Variants in AKAP12 observed in about 807,000 individuals in gnomAD.
AKAP12 encodes the protein A-kinase anchor protein 12.
A neutral mutation model predicts 79.9 loss-of-function variants in AKAP12; 32 were observed. That is an observed-to-expected ratio of 0.40 (90% CI 0.30 to 0.54). AKAP12 has a LOEUF of 0.54. AKAP12 is among the 20% of genes least tolerant of loss of function. AKAP12 has a pLI of 0.48. For synonymous variants in AKAP12, 808 were observed against 857.0 expected (o/e 0.94, Z 1.00); for missense variants, 2,074 against 2,177.0 (o/e 0.95, Z 0.94).
At chr6:151,324,809 T>G (rs939324455) in intron 3 of AKAP12, 5 of 985,304 alleles carry the variant, frequency 5.1e-6, no homozygotes, top group Non-Finnish European at 6.0e-6. Flanking sequence ...CATTCGTCAC[T>G]CGTGTCTTTA....
chr6:151,349,786 G>A lies in AKAP12; in HGVS notation c.1395G>A (p.Lys465=). 6.2e-7 allele frequency: 1 copy of A among 1,614,100 alleles called. No homozygotes were observed. The highest frequency in any genetic ancestry group is 1.1e-5 in the South Asian group (1 of 91,076). The part of the protein sequence containing the change: ...QEAEPAKELV[K]LKETCVSGED... ...CTGAACCTGCCAAGGAGCTGGTGAA[G>A]CTCAAAGAAACGTGTGTTTCCGGAG... Residue 465 remains lysine (K), a synonymous_variant, in exon 4 of 5, where the codon AAG becomes AAA. Transcript: ENST00000402676.
At chr6:151,252,108 C>T (rs1441109204) in intron 2 of AKAP12, among the ~76,000 whole-genome samples, 4 of 152,176 alleles carry the variant, frequency 2.6e-5, no homozygotes, top group Non-Finnish European at 5.9e-5. Flanking sequence ...TAATAGTGGT[C>T]TGCGTCACAG....
chr6:151,255,837 G>T (rs1029241527), intron 2 of AKAP12, among the ~76,000 whole-genome samples: 1 of 152,170 alleles, frequency 6.6e-6, no homozygotes, highest in African/African-American at 2.4e-5. Context: ...ATGGACAATT[G>T]ATGTGTAAAT....
At chr6:151,313,345 G>A (rs567842296) in intron 3 of AKAP12, among the ~76,000 whole-genome samples, 1 of 152,320 alleles carries the variant, frequency 6.6e-6, no homozygotes, top group African/African-American at 2.4e-5. Flanking sequence ...ATTATTGCAT[G>A]ACATTTTCTC....
In AKAP12 at chr6:151,250,424, G is replaced by A. The variant is rs537555060; in HGVS notation, c.162+9700G>A. ...TGAGGCAGGAGAATCGCTTGAACAC[G>A]GGAGGCGGAGCTTGCAGTGAAGCCG... On this transcript the variant is annotated intron_variant, in intron 2 of 4. Coordinates refer to ENST00000402676, the MANE Select transcript of AKAP12 (RefSeq NM_005100.4). 3.3e-4 allele frequency among the ~76,000 whole-genome samples: 50 copies of A among 151,572 alleles called. No individual in the cohort carries two copies. The East Asian group carries it at 7.7e-3, about 23-fold the overall frequency.
At chr6:151,261,574 G>A (rs1797435503) in intron 2 of AKAP12, among the ~76,000 whole-genome samples, 1 of 149,970 alleles carries the variant, frequency 6.7e-6, no homozygotes, top group African/African-American at 2.4e-5. Flanking sequence ...TATGGCGGGT[G>A]CCTGTAAGCC....
chr6:151,320,161 C>T (rs1582878651), intron 3 of AKAP12, among the ~76,000 whole-genome samples: 1 of 152,042 alleles, frequency 6.6e-6, no homozygotes, highest in African/African-American at 2.4e-5. Context: ...TCCCTGTCCC[C>T]TCCCTTTCAG....
intron 2 of AKAP12, among the ~76,000 whole-genome samples, chr6:151,245,140 G>A (rs1797045794): frequency 6.6e-6 from 1 of 151,986 alleles, no homozygotes; most frequent in African/African-American, 2.4e-5. Flanking sequence ...CTTTGTCTTA[G>A]TTAGTTTTAA....
chr6:151,319,216 A>T (rs1777305042), intron 3 of AKAP12, among the ~76,000 whole-genome samples: 1 of 152,058 alleles, frequency 6.6e-6, no homozygotes, highest in Non-Finnish European at 1.5e-5. Context: ...CAGAGTATTT[A>T]TCTTGGATTT....
intron 3 of AKAP12, chr6:151,324,143 A>G: frequency 1.0e-6 from 1 of 985,354 alleles, no homozygotes; most frequent in Non-Finnish European, 1.2e-6. Flanking sequence ...AAATTGGAGC[A>G]ATTTGTGAAA....
intron 2 of AKAP12, among the ~76,000 whole-genome samples, chr6:151,280,983 T>G (rs1341760574): frequency 6.6e-6 from 1 of 152,188 alleles, no homozygotes; most frequent in South Asian, 2.1e-4. Context: ...TCTAAAGATA[T>G]ATACAGTTAA....
intron 4 of AKAP12, among the ~76,000 whole-genome samples, chr6:151,355,188 AG>A (rs1333616707): frequency 4.0e-5 from 6 of 148,280 alleles, no homozygotes; most frequent in African/African-American, 1.5e-4. Flanking sequence ...GTAGAGACGG[AG>A]TTTCCCCCAG....
chr6:151,339,076 A>G (rs933352059), intron 3 of AKAP12, among the ~76,000 whole-genome samples: 1 of 152,228 alleles, frequency 6.6e-6, no homozygotes, highest in African/African-American at 2.4e-5. Flanking sequence ...GCATGACTGT[A>G]ACTGTGAATA....
At chr6:151,308,991 T>G (rs1777033543) in intron 3 of AKAP12, among the ~76,000 whole-genome samples, 2 of 152,088 alleles carry the variant, frequency 1.3e-5, no homozygotes, top group Admixed American at 1.3e-4. Flanking sequence ...TGTCCTGCCT[T>G]AGCCTCTCAG....
Position 151,351,915 on chromosome 6 carries a change from C to T in AKAP12, c.3524C>T (p.Thr1175Ile), listed in dbSNP as rs1380621954. 6.2e-7 allele frequency: 1 copy of T among 1,614,082 alleles called. No individual in the cohort carries two copies. The highest frequency in any genetic ancestry group is 1.3e-5 in the African/African-American group (1 of 75,012). Reference protein sequence around the residue: ...TPTDSETDGSTPVADFDAPGT... With the variant: ...TPTDSETDGSIPVADFDAPGT... ...ACAGACAGTGAGACTGATGGAAGCACCCCCGTAGCCGACTTTGACGCACCA... is the reference window on the plus strand; with the variant it reads ...ACAGACAGTGAGACTGATGGAAGCATCCCCGTAGCCGACTTTGACGCACCA... Residue 1175 changes from threonine (T) to isoleucine (I), a missense_variant, in exon 4 of 5, where the codon ACC becomes ATC. Physicochemically the swap from Thr to Ile is moderately conservative, Grantham distance 89 (BLOSUM62 -1). Around this residue, in one of 3 missense-constraint regions of AKAP12, gnomAD observed 32 missense variants for 60.4 expected, o/e 0.53. Transcript: ENST00000402676. The surrounding 1 kb of genome is among the most constrained non-coding windows in gnomAD (Gnocchi z 4.4).
At chr6:151,280,298 T>C (rs1244769787) in intron 2 of AKAP12, among the ~76,000 whole-genome samples, 1 of 151,992 alleles carries the variant, frequency 6.6e-6, no homozygotes, top group Non-Finnish European at 1.5e-5. Flanking sequence ...AATTTTGATA[T>C]ATAAAATGAA....
intron 2 of AKAP12, among the ~76,000 whole-genome samples, chr6:151,258,925 C>CCT (rs1438373749): frequency 5.2e-5 from 7 of 135,586 alleles, no homozygotes; most frequent in African/African-American, 1.5e-4. Context: ...CTGTGCCCAG[C>CCT]CTGTGTGTGT....
In AKAP12 at chr6:151,353,030, A is replaced by G. The variant is rs1454166735; in HGVS notation, c.4639A>G (p.Ser1547Gly). The G allele has an allele frequency of 1.3e-5, 21 of 1,614,138 alleles. No homozygotes were observed. The highest frequency in any genetic ancestry group is 2.7e-5 in the African/African-American group (2 of 74,946). ...GATTTTGGAACTTGAGACCAAAAGC[A>G]GTAAACTTGTCCAAAACATCATCCA... ...NGILELETKSSKLVQNIIQTA... is the reference protein window; with the variant it reads ...NGILELETKSGKLVQNIIQTA... Residue 1547 changes from serine to glycine, a missense_variant, in exon 4 of 5, where the codon AGT (serine) becomes GGT (glycine). By Grantham distance (56) the Ser-to-Gly change is moderately conservative. This residue lies in a region of AKAP12 where 614 missense variants were observed against 665.6 expected (regional missense o/e 0.92). Transcript: ENST00000402676.
At chr6:151,264,882 T>C (rs1797519852) in intron 2 of AKAP12, among the ~76,000 whole-genome samples, 1 of 152,052 alleles carries the variant, frequency 6.6e-6, no homozygotes, top group Admixed American at 6.6e-5. Context: ...CCGGGCGCAG[T>C]GGCTCTCGCT....
Sources: gnomAD v4.1 joint callset for allele counts (sites outside exome capture counted in the v4.1 genomes callset) on GRCh38, gnomAD v4.1.1 for gene constraint, gnomAD v4.1.1 regional missense constraint, Gnocchi (gnomAD v3.1) non-coding constraint, MANE v1.5 for transcripts, NCBI Gene and HGNC (gene_info 2026-07-23, HGNC 2026-07-21) for gene names.